The following SEC16B variants were observed in gnomAD, a reference collection of about 807,000 sequenced individuals.
SEC16B encodes the protein SEC16 homolog B, endoplasmic reticulum export factor, also known as protein transport protein Sec16B.
SEC16B carries 115 observed loss-of-function variants against 141.8 expected under a neutral mutation model. That is an observed-to-expected ratio of 0.81 (90% CI 0.70 to 0.95). SEC16B has a LOEUF of 0.95. Ranked by LOEUF, SEC16B falls within the 40% of genes least tolerant of loss-of-function variation. The probability of loss-of-function intolerance (pLI) is 0.00; values close to 1 mark genes in which losing one functional copy is unlikely to be tolerated. For missense variants in SEC16B, 1,291 were observed against 1,312.3 expected, an observed-to-expected ratio of 0.98 and a Z score of 0.25; for synonymous variants, 493 against 492.5, an observed-to-expected ratio of 1.00 and a Z score of -0.01.
At chr1:177,942,103 T>C (rs1437591191) in intron 15 of SEC16B, 63 bp from the exon 16 acceptor site, 5 of 1,497,470 alleles carry the variant, frequency 3.3e-6, no homozygotes, top group South Asian at 2.6e-5. Flanking sequence ...GAAAGAAACA[T>C]AGATAAGACT....
intron 8 of SEC16B, chr1:177,960,007 G>T (rs1652929007): frequency 3.1e-6 from 1 of 323,636 alleles, no homozygotes; most frequent in African/African-American, 2.1e-5. Flanking sequence ...CCACTTGTCA[G>T]TGACTTCCCA....
intron 1 of SEC16B, among the ~76,000 whole-genome samples, chr1:177,983,088 C>A (rs548764990): frequency 2.0e-5 from 3 of 152,264 alleles, no homozygotes; most frequent in East Asian, 1.9e-4. Context: ...AAATAAAGCA[C>A]CTGTCCCCGA....
At position 177,960,407 on chromosome 1, in the gene SEC16B, G is replaced by T; in HGVS notation, c.937-4C>A. ...CTTCGGAATCATTAAGAATAACCTG[G>T]AATAAAACAATCAGATTTTGTGTTT... On this transcript the variant is annotated splice_region_variant and splice_polypyrimidine_tract_variant and intron_variant, in intron 7 of 25. Coordinates refer to ENST00000308284, the MANE Select transcript of SEC16B (RefSeq NM_033127.4). 1 of 1,587,288 alleles carries T rather than the reference G, an allele frequency of 6.3e-7. No individual in the cohort carries two copies. Among genetic ancestry groups the T allele is most frequent in the Non-Finnish European group, 8.6e-7 (1 of 1,162,100 alleles).
rs750100060 is a variant in SEC16B at position 177,944,605 on chromosome 1, A to T, written c.1837T>A (p.Cys613Ser). The T allele has an allele frequency of 3.7e-6, 6 of 1,613,832 alleles. No homozygotes were observed. Among genetic ancestry groups the T allele is most frequent in the Admixed American group, 1.7e-5 (1 of 59,994 alleles). ...GATTTGGGGCGGCCCAGCATCTGAC[A>T]GTACTCGAAGATTTCCGTCCTCTGG... Reference protein sequence around the residue: ...AIQRTEIFEYCQMLGRPKSFI... With the variant: ...AIQRTEIFEYSQMLGRPKSFI... The change falls in exon 15 of 26, where the codon TGT becomes AGT. Residue 613 changes from cysteine to serine, a missense_variant. Physicochemically the swap from Cys to Ser is moderately radical, Grantham distance 112. This residue lies in a region of SEC16B where 605 missense variants were observed against 614.1 expected (regional missense o/e 0.99). Coordinates refer to ENST00000308284, the MANE Select transcript of SEC16B (RefSeq NM_033127.4).
At chr1:177,932,223 G>C (rs1571303617) in intron 24 of SEC16B, among the ~76,000 whole-genome samples, 1 of 152,332 alleles carries the variant, frequency 6.6e-6, no homozygotes, top group East Asian at 1.9e-4. Context: ...AGATGGCCGG[G>C]CACAAGCCAA....
rs370644529 is a variant in SEC16B at position 177,958,145 on chromosome 1, T to C, written c.1352A>G (p.Tyr451Cys). The C allele has an allele frequency of 1.4e-5, 22 of 1,523,148 alleles. No individual in the cohort carries two copies. Among genetic ancestry groups the C allele is most frequent in the Admixed American group, 2.0e-5 (1 of 49,766 alleles). The allele number at this position is 1,523,148 out of a possible 1,614,324, so 94.4% of individuals were successfully genotyped here. A position where few individuals can be genotyped will look rare whatever the true frequency, so the allele number is the denominator to read the frequency against. The change falls in exon 10 of 26, where the codon TAT becomes TGT. Residue 451 changes from tyrosine (Y) to cysteine (C), a missense_variant. By Grantham distance (194) the Tyr-to-Cys change is radical (BLOSUM62 -2). This residue lies in a region of SEC16B where 681 missense variants were observed against 675.5 expected (regional missense o/e 1.01). Transcript: ENST00000308284. ...IVEKFTRLLY[Y>C]GRKKEALEWA... The stretch of plus-strand genomic sequence containing the variant: ...GGGCATACTTGCCTTCTTCCTTCCA[T>C]AGTAGAGCAGCCTAGTGAATTTCTC...
intron 15 of SEC16B, among the ~76,000 whole-genome samples, chr1:177,943,957 G>C (rs1297114077): frequency 6.6e-6 from 1 of 152,206 alleles, no homozygotes; most frequent in South Asian, 2.1e-4. Flanking sequence ...GGATTTAGAC[G>C]GAGGAGGACA....
chr1:177,980,954 TA>T (rs1402285289), intron 1 of SEC16B, among the ~76,000 whole-genome samples: 1 of 152,076 alleles, frequency 6.6e-6, no homozygotes, highest in African/African-American at 2.4e-5. Context: ...TAATGGGTTT[TA>T]TGCTCAATGT....
At chr1:177,946,398 T>C in intron 14 of SEC16B, 22 bp downstream of exon 14, 1 of 1,503,592 alleles carries the variant, frequency 6.7e-7, no homozygotes, top group African/African-American at 1.4e-5. Context: ...CCTTACTGTT[T>C]CCTTTCTCCC....
At chr1:177,942,166 G>T in intron 15 of SEC16B, 126 bp from the exon 16 acceptor site, 2 of 1,049,344 alleles carry the variant, frequency 1.9e-6, no homozygotes, top group Non-Finnish European at 2.7e-6. Context: ...AATACCAAGA[G>T]GCTTGTGCCA....
At chr1:177,958,437 G>T in intron 9 of SEC16B, 75 bp from the exon 10 acceptor site, 1 of 1,232,028 alleles carries the variant, frequency 8.1e-7, no homozygotes, top group African/African-American at 1.5e-5. Context: ...GAGAAGGAAG[G>T]CACCAGGGAG....
chr1:177,967,538 A>G (rs1168176087), intron 2 of SEC16B, 145 bp downstream of exon 2: 4 of 748,824 alleles, frequency 5.3e-6, no homozygotes, highest in Middle Eastern at 2.5e-4. Flanking sequence ...GGGAGAGGAC[A>G]GGATTTAGCT....
Position 177,932,487 on chromosome 1 carries a change from T to C in SEC16B, c.3012+3A>G. 1 of 1,534,152 alleles carries C rather than the reference T, an allele frequency of 6.5e-7. No individual in the cohort carries two copies. The highest frequency in any genetic ancestry group is 2.5e-5 in the East Asian group (1 of 40,686). Reference sequence around the variant, plus strand: ...GAGGCTCCAGCCCAGGGGGGCCGCTTACCTCTGGTCCAGACAAGCCTCCAA... The same window carrying C: ...GAGGCTCCAGCCCAGGGGGGCCGCTCACCTCTGGTCCAGACAAGCCTCCAA... On this transcript the variant is annotated splice_donor_region_variant and intron_variant, in intron 24 of 25. Coordinates refer to ENST00000308284, the MANE Select transcript of SEC16B (RefSeq NM_033127.4).
upstream of SEC16B, among the ~76,000 whole-genome samples, chr1:177,972,871 A>C (rs958118556): frequency 6.6e-6 from 1 of 152,170 alleles, no homozygotes; most frequent in Non-Finnish European, 1.5e-5. Context: ...ATAAAAAGAC[A>C]CAAGAGGGTT....
At chr1:177,960,220 T>A (rs941571020) in intron 8 of SEC16B, 122 bp downstream of exon 8, 5 of 703,306 alleles carry the variant, frequency 7.1e-6, no homozygotes, top group Non-Finnish European at 1.3e-5. Flanking sequence ...AGAATTCCAC[T>A]CCAACAAGGA....
At chr1:177,930,060 G>T (rs1303737406) in intron 25 of SEC16B, 131 bp from the exon 26 acceptor site, 2 of 831,060 alleles carry the variant, frequency 2.4e-6, no homozygotes, top group Non-Finnish European at 1.9e-6. Flanking sequence ...TGTTCTAATT[G>T]CGTACCTCCA....
rs1650268281 is a variant in SEC16B at position 177,929,683 on chromosome 1, T to C, written c.*175A>G. ...GTGAAGCTAATCTTAAGAGACTGAA[T>C]TGTGCTGTGTCTTGAGAGATCCTGT... On this transcript the variant is annotated 3_prime_UTR_variant, in exon 26 of 26. Coordinates refer to ENST00000308284, the MANE Select transcript of SEC16B (RefSeq NM_033127.4). 1 of 631,220 alleles carries C rather than the reference T, an allele frequency of 1.6e-6. No homozygotes were observed. The allele number at this position is 631,220 out of a possible 1,614,324, so 39.1% of individuals were successfully genotyped here.
intron 10 of SEC16B, 48 bp downstream of exon 10, chr1:177,958,084 G>T (rs768125280): frequency 3.9e-6 from 5 of 1,293,076 alleles, no homozygotes; most frequent in Non-Finnish European, 5.2e-6. Context: ...GGTGGAGAGG[G>T]ATGGTGATTG....
At chr1:177,950,898 A>C (rs1269952539) in intron 12 of SEC16B, among the ~76,000 whole-genome samples, 1 of 146,872 alleles carries the variant, frequency 6.8e-6, no homozygotes, top group Non-Finnish European at 1.5e-5. Flanking sequence ...GAAGGAAGGA[A>C]AGAAGGAAGG....
Sources: gnomAD v4.1 joint callset for allele counts (sites outside exome capture counted in the v4.1 genomes callset) on GRCh38, gnomAD v4.1.1 for gene constraint, gnomAD v4.1.1 regional missense constraint, MANE v1.5 for transcripts, NCBI Gene and HGNC (gene_info 2026-07-23, HGNC 2026-07-21) for gene names.